Variants in NSUN6 observed in about 807,000 individuals in gnomAD.
The protein encoded by NSUN6 is tRNA (cytosine(72)-C(5))-methyltransferase NSUN6.
Under a neutral mutation model 58.0 loss-of-function variants are expected in NSUN6, and 64 were observed. The ratio of observed to expected loss-of-function variants is 1.10; its 90% confidence interval spans 0.90 to 1.36. NSUN6 has a LOEUF of 1.36. Ranked by LOEUF, NSUN6 falls within the 40% of genes most tolerant of loss-of-function variation. NSUN6 has a pLI of 0.00. For synonymous variants in NSUN6, 231 were observed against 193.9 expected (o/e 1.19, Z -1.59); for missense variants, 701 against 550.1 (o/e 1.27, Z -2.74).
At position 18,546,157 on chromosome 10, in the gene NSUN6, A is replaced by G; in HGVS notation, c.1198-12T>C. The G allele has an allele frequency of 1.3e-6, 2 of 1,575,864 alleles. No homozygotes were observed. Among genetic ancestry groups the G allele is most frequent in the South Asian group, 1.1e-5 (1 of 90,312 alleles). ...CCAATCTGCGGTTCCTGTTTGGAGA[A>G]AGTGGATCAATATGGATGAACATCC... On this transcript the variant is annotated splice_polypyrimidine_tract_variant and intron_variant, in intron 10 of 10. Coordinates refer to ENST00000377304, the MANE Select transcript of NSUN6 (RefSeq NM_182543.5).
At chr10:18,584,268 T>C (rs2057031126) in intron 8 of NSUN6, among the ~76,000 whole-genome samples, 1 of 152,222 alleles carries the variant, frequency 6.6e-6, no homozygotes, top group Non-Finnish European at 1.5e-5. Context: ...CAGCTAGCAG[T>C]GGGAGCCCTG....
intron 3 of NSUN6, among the ~76,000 whole-genome samples, 173 bp from the exon 4 acceptor site, chr10:18,616,466 C>T (rs373943866): frequency 3.3e-5 from 5 of 152,024 alleles, no homozygotes; most frequent in South Asian, 2.1e-4. Flanking sequence ...AACAGCAACA[C>T]GAAGATGGGC....
intron 8 of NSUN6, among the ~76,000 whole-genome samples, chr10:18,577,744 C>T (rs909892525): frequency 1.3e-5 from 2 of 152,196 alleles, no homozygotes; most frequent in Non-Finnish European, 2.9e-5. Context: ...TTCCTCGTAA[C>T]CCAACCTTTA....
At chr10:18,598,279 AC>A (rs1476616110) in intron 6 of NSUN6, among the ~76,000 whole-genome samples, 4 of 151,996 alleles carry the variant, frequency 2.6e-5, no homozygotes, top group Non-Finnish European at 4.4e-5. Context: ...TAATCCCATC[AC>A]CCTTTGCTGA....
intron 3 of NSUN6, among the ~76,000 whole-genome samples, chr10:18,618,122 G>A (rs2058476679): frequency 6.6e-6 from 1 of 152,164 alleles, no homozygotes; most frequent in South Asian, 2.1e-4. Flanking sequence ...GATAGGTTTT[G>A]TGGGCGTATC....
At chr10:18,623,340 T>G (rs1339811710) in intron 3 of NSUN6, among the ~76,000 whole-genome samples, 1 of 151,788 alleles carries the variant, frequency 6.6e-6, no homozygotes, top group African/African-American at 2.4e-5. Flanking sequence ...CCCATGGCAA[T>G]GAAAGGGGGG....
At chr10:18,560,968 CA>C (rs971207394) in intron 8 of NSUN6, among the ~76,000 whole-genome samples, 4 of 136,068 alleles carry the variant, frequency 2.9e-5, no homozygotes, top group Non-Finnish European at 6.3e-5. Flanking sequence ...ACATGAAATG[CA>C]GTGATGGAGA....
chr10:18,583,192 T>C (rs2056981199), intron 8 of NSUN6, among the ~76,000 whole-genome samples: 1 of 152,216 alleles, frequency 6.6e-6, no homozygotes, highest in African/African-American at 2.4e-5. Flanking sequence ...ACAATAAGTC[T>C]TAGGATCTCT....
chr10:18,593,722 G>A (rs2057465831), intron 7 of NSUN6, among the ~76,000 whole-genome samples: 1 of 152,128 alleles, frequency 6.6e-6, no homozygotes, highest in Non-Finnish European at 1.5e-5. Flanking sequence ...TTGGAGGTAA[G>A]GGGAGGGATA....
Position 18,545,964 on chromosome 10 carries a change from A to C in NSUN6, c.1379T>G (p.Ile460Ser). ...LANKDSIGFF[I>S]AKFVKCKST is the part of the protein sequence containing the mutation. ...GCTTTTGCATTTTACAAATTTTGCA[A>C]TAAAAAAACCTATAGAGTCCTTATT... Residue 460 changes from isoleucine (I) to serine (S), a missense_variant, in exon 11 of 11, where the codon ATT becomes AGT. Coordinates refer to ENST00000377304, the MANE Select transcript of NSUN6 (RefSeq NM_182543.5). 6.3e-7 allele frequency: 1 copy of C among 1,584,294 alleles called. No homozygotes were observed.
intron 3 of NSUN6, among the ~76,000 whole-genome samples, chr10:18,623,130 AAAATTTTATTTT>A (rs1314017435): frequency 2.6e-5 from 4 of 152,232 alleles, no homozygotes; most frequent in African/African-American, 9.6e-5. Flanking sequence ...TGAAGAAAGC[AAAATTTTATTTT>A]AAATTTCATT....
intron 2 of NSUN6, among the ~76,000 whole-genome samples, chr10:18,643,855 A>C (rs1041743888): frequency 6.6e-6 from 1 of 152,202 alleles, no homozygotes; most frequent in South Asian, 2.1e-4. Flanking sequence ...CTCAAGCCAA[A>C]GGTCATTGTC....
intron 9 of NSUN6, among the ~76,000 whole-genome samples, chr10:18,550,970 C>A (rs1375720733): frequency 4.6e-5 from 7 of 152,092 alleles, no homozygotes; most frequent in Admixed American, 1.3e-4. Flanking sequence ...AGGTGATCAG[C>A]CCGCCTCAGC....
At chr10:18,586,149 A>T in intron 7 of NSUN6, 56 bp from the exon 8 acceptor site, 1 of 1,351,194 alleles carries the variant, frequency 7.4e-7, no homozygotes, top group Non-Finnish European at 1.0e-6. Flanking sequence ...TTATAAATCC[A>T]AAGCAGTCAT....
chr10:18,656,705 TC>T (rs2059781202), upstream of NSUN6, among the ~76,000 whole-genome samples: 1 of 152,224 alleles, frequency 6.6e-6, no homozygotes, highest in African/African-American at 2.4e-5. Flanking sequence ...ACATTTTTCT[TC>T]CTTGAACTCT....
chr10:18,616,037 T>C (rs1269727134), intron 4 of NSUN6, 147 bp downstream of exon 4: 3 of 584,156 alleles, frequency 5.1e-6, no homozygotes, highest in Middle Eastern at 3.2e-4. Context: ...TAGTCCTTAC[T>C]GGATAAAACC....
chr10:18,578,496 G>A (rs1301729900), intron 8 of NSUN6, among the ~76,000 whole-genome samples: 1 of 152,024 alleles, frequency 6.6e-6, no homozygotes, highest in Non-Finnish European at 1.5e-5. Flanking sequence ...GGCCCTTCCT[G>A]TCATTTCTCT....
At chr10:18,646,220 T>C (rs1344876708) in intron 2 of NSUN6, among the ~76,000 whole-genome samples, 1 of 152,136 alleles carries the variant, frequency 6.6e-6, no homozygotes, top group African/African-American at 2.4e-5. Context: ...AATAATTCAA[T>C]ATGTGGTGCA....
At chr10:18,616,505 T>C (rs1486200603) in intron 3 of NSUN6, among the ~76,000 whole-genome samples, 1 of 151,934 alleles carries the variant, frequency 6.6e-6, no homozygotes, top group African/African-American at 2.4e-5. Context: ...AATCAAGAGG[T>C]CCATCTGCTG....
Sources: allele counts gnomAD v4.1 joint callset (sites outside exome capture counted in the v4.1 genomes callset), GRCh38; gene constraint gnomAD v4.1.1; transcripts MANE v1.5; gene names NCBI Gene and HGNC (gene_info 2026-07-23, HGNC 2026-07-21).